DRC11: variants seen among roughly 807,000 people sequenced by gnomAD.
The protein encoded by DRC11 is dynein regulatory complex subunit 11.
the DRC11 span, among the ~76,000 whole-genome samples, chr2:236,319,769 A>G: frequency 6.6e-6 from 1 of 152,192 alleles, no homozygotes; most frequent in Non-Finnish European, 1.5e-5. The surrounding 1 kb of genome is among the most constrained non-coding windows in gnomAD (Gnocchi z 6.7). Context: ...GCTGTTAAGA[A>G]AAGCTAAAGA....
the DRC11 span, chr2:236,497,347 T>C: frequency 2.5e-6 from 4 of 1,614,000 alleles, no homozygotes; most frequent in Non-Finnish European, 3.4e-6. The surrounding 1 kb of genome is among the most constrained non-coding windows in gnomAD (Gnocchi z 5.1). Flanking sequence ...TCTAAAGATC[T>C]GCACATACTT....
chr2:236,345,834 T>TA, the DRC11 span, among the ~76,000 whole-genome samples: 1 of 152,230 alleles, frequency 6.6e-6, no homozygotes, highest in African/African-American at 2.4e-5. Flanking sequence ...TTATATTTCT[T>TA]AAAACATCAT....
the DRC11 span, among the ~76,000 whole-genome samples, chr2:236,311,714 G>GTGTGTGTT: frequency 6.6e-6 from 1 of 151,664 alleles, no homozygotes; most frequent in African/African-American, 2.4e-5. The surrounding 1 kb of genome is among the most constrained non-coding windows in gnomAD (Gnocchi z 6.9). Flanking sequence ...GTGTGTGTGT[G>GTGTGTGTT]TGTGTGTGTG....
chr2:236,485,811 T>C, the DRC11 span, among the ~76,000 whole-genome samples: 1 of 152,100 alleles, frequency 6.6e-6, no homozygotes, highest in African/African-American at 2.4e-5. Context: ...AGAGGTTCTG[T>C]TTTCAGGAGG....
the DRC11 span, among the ~76,000 whole-genome samples, chr2:236,423,394 A>G: frequency 6.6e-6 from 1 of 152,238 alleles, no homozygotes; most frequent in Non-Finnish European, 1.5e-5. Flanking sequence ...GGCAAAGGAT[A>G]TGAACAGACA....
At chr2:236,459,528 T>TGTATACGTATACGTATAC in the DRC11 span, among the ~76,000 whole-genome samples, 4 of 95,944 alleles carry the variant, frequency 4.2e-5, no homozygotes, top group African/African-American at 1.6e-4. Flanking sequence ...CATGTATACA[T>TGTATACGTATACGTATAC]GTATACGTAT....
At chr2:236,471,453 C>T in the DRC11 span, among the ~76,000 whole-genome samples, 33 of 152,110 alleles carry the variant, frequency 2.2e-4, no homozygotes, top group Non-Finnish European at 4.3e-4. The surrounding 1 kb of genome is among the most constrained non-coding windows in gnomAD (Gnocchi z 4.6). Flanking sequence ...AACACTGTAA[C>T]GTTAACTTTT....
the DRC11 span, among the ~76,000 whole-genome samples, chr2:236,436,946 T>G: frequency 6.6e-6 from 1 of 152,108 alleles, no homozygotes; most frequent in African/African-American, 2.4e-5. Context: ...TTTTAAAAAT[T>G]TATTATTATT....
chr2:236,377,112 C>T, the DRC11 span: 1 of 1,601,180 alleles, frequency 6.2e-7, no homozygotes, highest in Non-Finnish European at 8.6e-7. The surrounding 1 kb of genome is among the most constrained non-coding windows in gnomAD (Gnocchi z 4.9). Context: ...CCAATGTAAT[C>T]AGAGAGGTTG....
At chr2:236,317,983 CCAGG>C in the DRC11 span, among the ~76,000 whole-genome samples, 2 of 152,230 alleles carry the variant, frequency 1.3e-5, no homozygotes. This position sits in a 1 kb window ranked among gnomAD's most constrained non-coding sequence, Gnocchi z 5.4. Flanking sequence ...CCTGCTCCTC[CCAGG>C]CAGACACCGG....
the DRC11 span, among the ~76,000 whole-genome samples, chr2:236,369,950 C>T: frequency 6.6e-6 from 1 of 152,188 alleles, no homozygotes; most frequent in Non-Finnish European, 1.5e-5. This position sits in a 1 kb window ranked among gnomAD's most constrained non-coding sequence, Gnocchi z 4.5. Context: ...AACCAAACAG[C>T]GGCTGCACGA....
the DRC11 span, among the ~76,000 whole-genome samples, chr2:236,381,007 T>C: frequency 6.6e-6 from 1 of 152,188 alleles, no homozygotes; most frequent in African/African-American, 2.4e-5. The surrounding 1 kb of genome is among the most constrained non-coding windows in gnomAD (Gnocchi z 5.8). Context: ...TGATATAAGC[T>C]GAATGCTTGT....
the DRC11 span, among the ~76,000 whole-genome samples, chr2:236,339,989 T>A: frequency 1.7e-3 from 263 of 152,360 alleles, 1 homozygote; most frequent in African/African-American, 5.4e-3. Context: ...ATTTGGGAAT[T>A]ATTACCATCT....
the DRC11 span, among the ~76,000 whole-genome samples, chr2:236,376,393 A>T: frequency 5.9e-5 from 9 of 152,332 alleles, no homozygotes; most frequent in Admixed American, 3.9e-4. The surrounding 1 kb of genome is among the most constrained non-coding windows in gnomAD (Gnocchi z 5.7). Flanking sequence ...ACAGGACATT[A>T]TCAGGACAAT....
the DRC11 span, among the ~76,000 whole-genome samples, chr2:236,450,862 C>A: frequency 6.6e-6 from 1 of 152,060 alleles, no homozygotes; most frequent in Non-Finnish European, 1.5e-5. Flanking sequence ...ATTTGTCCTT[C>A]CTTATTGTTC....
At chr2:236,418,015 T>C in the DRC11 span, among the ~76,000 whole-genome samples, 228 of 152,346 alleles carry the variant, frequency 1.5e-3, no homozygotes, top group African/African-American at 5.4e-3. Flanking sequence ...TCTTTGCTAT[T>C]GTAAATAGTG....
At chr2:236,338,747 G>C in the DRC11 span, among the ~76,000 whole-genome samples, 3 of 152,322 alleles carry the variant, frequency 2.0e-5, no homozygotes, top group East Asian at 5.8e-4. Flanking sequence ...TTGGAAGCTG[G>C]ACACAAGACT....
chr2:236,372,838 T>G, the DRC11 span, among the ~76,000 whole-genome samples: 1 of 152,088 alleles, frequency 6.6e-6, no homozygotes, highest in Non-Finnish European at 1.5e-5. This position sits in a 1 kb window ranked among gnomAD's most constrained non-coding sequence, Gnocchi z 4.5. Context: ...TCTCAAATAC[T>G]TGGTCTCAAG....
At chr2:236,471,732 G>T in the DRC11 span, among the ~76,000 whole-genome samples, 2 of 152,284 alleles carry the variant, frequency 1.3e-5, no homozygotes, top group Non-Finnish European at 2.9e-5. This position sits in a 1 kb window ranked among gnomAD's most constrained non-coding sequence, Gnocchi z 4.6. Flanking sequence ...ACACAAAGGG[G>T]TCAAGGTGCC....
Sources: allele counts gnomAD v4.1 joint callset (sites outside exome capture counted in the v4.1 genomes callset), GRCh38; gene constraint gnomAD v4.1.1; non-coding constraint Gnocchi (gnomAD v3.1); transcripts MANE v1.5; gene names NCBI Gene and HGNC (gene_info 2026-07-23, HGNC 2026-07-21).